RARB: variants seen among roughly 807,000 people sequenced by gnomAD.
The protein encoded by RARB is retinoic acid receptor beta, also known as HBV-activated protein.
In RARB, 17 loss-of-function variants were observed where a neutral mutation model predicts 51.9. The ratio of observed to expected loss-of-function variants is 0.33; its 90% CI spans 0.22 to 0.49. The LOEUF (loss-of-function observed/expected upper bound fraction) is 0.49. RARB is among the 20% of genes least tolerant of loss of function. The probability of loss-of-function intolerance (pLI) is 0.99; values close to 1 mark genes in which losing one functional copy is unlikely to be tolerated. For synonymous variants in RARB, 215 were observed against 195.4 expected (o/e 1.10, Z -0.84); for missense variants, 369 against 550.8 (o/e 0.67, Z 3.30).
intron 5 of RARB, among the ~76,000 whole-genome samples, chr3:25,332,700 A>G (rs1253915758): frequency 4.6e-5 from 7 of 152,214 alleles, no homozygotes; most frequent in African/African-American, 7.2e-5. Flanking sequence ...AGAAAGAAAT[A>G]AAGGGTATTC....
intron 5 of RARB, among the ~76,000 whole-genome samples, chr3:25,215,764 GA>G (rs1701820100): frequency 6.6e-6 from 1 of 152,100 alleles, no homozygotes; most frequent in Admixed American, 6.6e-5. Context: ...TTCAAAAGTG[GA>G]AAAAATAAGA....
intron 4 of RARB, among the ~76,000 whole-genome samples, chr3:25,142,669 G>T (rs930550685): frequency 5.3e-5 from 8 of 152,004 alleles, no homozygotes; most frequent in African/African-American, 1.4e-4. Flanking sequence ...TTGGGGGAAA[G>T]GTAACTTTGG....
chr3:24,946,554 C>A (rs1348511632), intron 2 of RARB, among the ~76,000 whole-genome samples: 1 of 151,848 alleles, frequency 6.6e-6, no homozygotes, highest in Admixed American at 6.6e-5. Context: ...ACCTAGAGTT[C>A]TAAAAAATGA....
intron 1 of RARB, among the ~76,000 whole-genome samples, chr3:25,434,024 A>G (rs1028865546): frequency 2.0e-5 from 3 of 152,144 alleles, no homozygotes; most frequent in African/African-American, 7.2e-5. Flanking sequence ...GGGAGCTACA[A>G]GGGGACCATT....
At chr3:25,408,092 A>T (rs1707461756) in intron 5 of RARB, among the ~76,000 whole-genome samples, 1 of 152,118 alleles carries the variant, frequency 6.6e-6, no homozygotes. Context: ...CCTTGTCTCA[A>T]TGTCTGTTTC....
chr3:25,123,381 T>C (rs1245615749), intron 3 of RARB, among the ~76,000 whole-genome samples: 1 of 152,220 alleles, frequency 6.6e-6, no homozygotes, highest in Non-Finnish European at 1.5e-5. Flanking sequence ...CTCAAAATCA[T>C]AGTGGGCTTC....
At position 24,891,360 on chromosome 3, in the gene RARB, A is replaced by G. The variant is rs570513920; in HGVS notation, c.-380+32608A>G. Among the ~76,000 whole-genome samples, 72 of 152,232 alleles carry G rather than the reference A, an allele frequency of 4.7e-4. 1 individual carries two copies. Among genetic ancestry groups the G allele is most frequent in the Admixed American group, 2.4e-3 (37 of 15,286 alleles). On this transcript the variant is annotated intron_variant, in intron 2 of 11. Transcript: ENST00000383772. ...GGAAGCTTGTCTGTTCTGCTTACTA[A>G]GAAGCCTCGGGAAAGTTACTTGGCT...
intron 3 of RARB, among the ~76,000 whole-genome samples, chr3:25,529,660 G>GA (rs1698810143): frequency 6.6e-6 from 1 of 152,106 alleles, no homozygotes; most frequent in African/African-American, 2.4e-5. Context: ...CTTCGGGGGT[G>GA]TTGGAACTAT....
intron 2 of RARB, among the ~76,000 whole-genome samples, chr3:24,867,620 A>T (rs1251548333): frequency 6.6e-6 from 1 of 152,102 alleles, no homozygotes; most frequent in Non-Finnish European, 1.5e-5. Context: ...CTTTGGTCTC[A>T]TGGGAAGCAA....
At chr3:24,896,282 T>G (rs1703477478) in intron 2 of RARB, among the ~76,000 whole-genome samples, 2 of 151,960 alleles carry the variant, frequency 1.3e-5, no homozygotes, top group South Asian at 4.2e-4. Context: ...TGTTTTGAGA[T>G]GGAGTCTTGC....
At chr3:25,421,580 T>A (rs1707866330) in intron 5 of RARB, among the ~76,000 whole-genome samples, 1 of 151,592 alleles carries the variant, frequency 6.6e-6, no homozygotes, top group South Asian at 2.1e-4. Context: ...CCCGGCTAAT[T>A]TTTTTTGTAT....
At chr3:25,181,059 TG>T (rs1420112598) in intron 5 of RARB, among the ~76,000 whole-genome samples, 1 of 152,196 alleles carries the variant, frequency 6.6e-6, no homozygotes, top group East Asian at 1.9e-4. Context: ...GAACTCTTCT[TG>T]TTATGACCAA....
intron 2 of RARB, among the ~76,000 whole-genome samples, chr3:25,493,561 A>G (rs1408781663): frequency 6.6e-6 from 1 of 152,196 alleles, no homozygotes; most frequent in Non-Finnish European, 1.5e-5. Flanking sequence ...TCATTTGGTT[A>G]CTTTTTTATT....
chr3:25,481,640 G>A (rs1696228497), intron 2 of RARB, among the ~76,000 whole-genome samples: 1 of 152,200 alleles, frequency 6.6e-6, no homozygotes, highest in Non-Finnish European at 1.5e-5. Flanking sequence ...GCAGGACAGT[G>A]CTTCTGTGCA....
intron 2 of RARB, among the ~76,000 whole-genome samples, chr3:25,045,641 T>C (rs1698200418): frequency 6.6e-6 from 1 of 152,238 alleles, no homozygotes; most frequent in South Asian, 2.1e-4. Flanking sequence ...TTCAGATTTA[T>C]ATTTTCTAAT....
At chr3:25,247,727 G>A (rs1176434925) in intron 5 of RARB, among the ~76,000 whole-genome samples, 1 of 152,230 alleles carries the variant, frequency 6.6e-6, no homozygotes, top group African/African-American at 2.4e-5. Flanking sequence ...CTTCTGCGTT[G>A]GCCTGGCTGG....
chr3:25,350,337 G>A (rs550498012), intron 5 of RARB, among the ~76,000 whole-genome samples: 4 of 152,024 alleles, frequency 2.6e-5, no homozygotes, highest in African/African-American at 9.7e-5. Context: ...CCACAATCAG[G>A]CCAGCTCAGC....
intron 4 of RARB, among the ~76,000 whole-genome samples, chr3:25,571,438 C>T (rs746719603): frequency 6.6e-6 from 1 of 152,176 alleles, no homozygotes; most frequent in Admixed American, 6.5e-5. Context: ...ACTCTGGGGT[C>T]CACCTCGCCC....
At chr3:24,997,774 A>G (rs1697073718) in intron 2 of RARB, among the ~76,000 whole-genome samples, 1 of 152,164 alleles carries the variant, frequency 6.6e-6, no homozygotes, top group Non-Finnish European at 1.5e-5. Context: ...TTCAGCATAA[A>G]TTTTTTAAAT....
Sources: gnomAD v4.1 joint callset for allele counts (sites outside exome capture counted in the v4.1 genomes callset) on GRCh38, gnomAD v4.1.1 for gene constraint, MANE v1.5 for transcripts, NCBI Gene and HGNC (gene_info 2026-07-23, HGNC 2026-07-21) for gene names.